The following NALF1 variants were observed in gnomAD, a reference collection of about 807,000 sequenced individuals.
The protein encoded by NALF1 is NALCN channel auxiliary factor 1, also known as family with sequence similarity 155 member A.
In NALF1, 3 loss-of-function variants were observed where a neutral mutation model predicts 48.4. The ratio of observed to expected loss-of-function variants is 0.06; its 90% CI spans 0.03 to 0.16. NALF1 has a LOEUF of 0.16. NALF1 is among the 10% of genes least tolerant of loss of function. The probability of loss-of-function intolerance (pLI) is 1.00; values close to 1 mark genes in which losing one functional copy is unlikely to be tolerated. For missense variants in NALF1, 526 were observed against 571.5 expected, an observed-to-expected ratio of 0.92 and a Z score of 0.81; for synonymous variants, 262 against 245.7, an observed-to-expected ratio of 1.07 and a Z score of -0.62.
chr13:107,586,279 C>T (rs1236115732), intron 1 of NALF1, among the ~76,000 whole-genome samples: 2 of 152,038 alleles, frequency 1.3e-5, no homozygotes, highest in Non-Finnish European at 2.9e-5. Flanking sequence ...TACCATCTTA[C>T]CAACTTCACA....
chr13:107,224,302 G>T (rs1266164923), intron 1 of NALF1, among the ~76,000 whole-genome samples: 1 of 151,572 alleles, frequency 6.6e-6, no homozygotes, highest in Non-Finnish European at 1.5e-5. Flanking sequence ...TGCAAAACAT[G>T]TAATAAAATC....
At chr13:107,680,182 C>T (rs1427781895) in intron 1 of NALF1, among the ~76,000 whole-genome samples, 2 of 152,102 alleles carry the variant, frequency 1.3e-5, no homozygotes, top group African/African-American at 2.4e-5. Context: ...TCAAGAGGAG[C>T]CAATGTTGCC....
At chr13:107,814,021 C>T (rs3858806) in intron 1 of NALF1, among the ~76,000 whole-genome samples, 30,610 of 151,794 alleles carry the variant, frequency 0.2, 3,402 homozygotes, top group Middle Eastern at 0.34. Context: ...AAGAAGGAAA[C>T]TAGAGGAGTA....
At chr13:107,375,923 T>TACACACACACACACACAC (rs373266204) in intron 1 of NALF1, among the ~76,000 whole-genome samples, 3 of 149,318 alleles carry the variant, frequency 2.0e-5, no homozygotes, top group Admixed American at 6.7e-5. Context: ...CAACCTGCTA[T>TACACACACACACACACAC]ACACACACAC....
intron 1 of NALF1, among the ~76,000 whole-genome samples, chr13:107,612,646 A>T (rs1047688538): frequency 6.6e-6 from 1 of 152,104 alleles, no homozygotes; most frequent in African/African-American, 2.4e-5. Flanking sequence ...GAGGTAGGAC[A>T]TTGCTCCTTC....
intron 2 of NALF1, among the ~76,000 whole-genome samples, chr13:107,181,945 T>C (rs962380087): frequency 1.3e-5 from 2 of 152,192 alleles, no homozygotes; most frequent in Admixed American, 6.5e-5. Context: ...CTATACATAC[T>C]AGCATGCTTG....
intron 1 of NALF1, among the ~76,000 whole-genome samples, chr13:107,782,047 T>A (rs971379730): frequency 2.0e-5 from 3 of 152,050 alleles, no homozygotes; most frequent in Non-Finnish European, 2.9e-5. Flanking sequence ...CTCCCTCCTC[T>A]CCCTCTCCCC....
At chr13:107,829,889 A>G (rs546247519) in intron 1 of NALF1, among the ~76,000 whole-genome samples, 36 of 152,338 alleles carry the variant, frequency 2.4e-4, no homozygotes, top group African/African-American at 7.9e-4. Context: ...CCAAAGATGT[A>G]TAACACTTCC....
intron 1 of NALF1, among the ~76,000 whole-genome samples, chr13:107,301,110 T>C (rs902471382): frequency 5.3e-5 from 8 of 152,200 alleles, no homozygotes; most frequent in African/African-American, 1.9e-4. Context: ...ATGTTTTTCA[T>C]TTTTTGTACA....
intron 1 of NALF1, among the ~76,000 whole-genome samples, chr13:107,463,002 C>A (rs921979786): frequency 6.6e-6 from 1 of 152,104 alleles, no homozygotes; most frequent in Admixed American, 6.5e-5. Flanking sequence ...CCCGGACACA[C>A]ATGGATGTGC....
chr13:107,339,317 T>C (rs1203058947), intron 1 of NALF1, among the ~76,000 whole-genome samples: 1 of 152,120 alleles, frequency 6.6e-6, no homozygotes, highest in Non-Finnish European at 1.5e-5. Flanking sequence ...CCCTAGGTAC[T>C]GAGGCAGAAA....
chr13:107,641,693 G>A (rs1228557647), intron 1 of NALF1, among the ~76,000 whole-genome samples: 3 of 152,004 alleles, frequency 2.0e-5, no homozygotes, highest in Admixed American at 1.3e-4. Flanking sequence ...TTGAATAGTC[G>A]GAGTCTCTAA....
At chr13:107,649,193 T>C (rs150742983) in intron 1 of NALF1, among the ~76,000 whole-genome samples, 2 of 152,338 alleles carry the variant, frequency 1.3e-5, no homozygotes, top group African/African-American at 4.8e-5. Context: ...CCACCAGTTA[T>C]ACTATTAACT....
chr13:107,587,962 C>T (rs1878504681), intron 1 of NALF1, among the ~76,000 whole-genome samples: 1 of 152,060 alleles, frequency 6.6e-6, no homozygotes, highest in African/African-American at 2.4e-5. Flanking sequence ...CAAATGTGTG[C>T]ATGGAAGAAT....
intron 1 of NALF1, among the ~76,000 whole-genome samples, chr13:107,683,121 G>A (rs1052872274): frequency 1.4e-4 from 22 of 152,156 alleles, no homozygotes; most frequent in South Asian, 4.1e-4. Context: ...AAATTAGCCA[G>A]GTGTGGTAGA....
At chr13:107,467,975 G>A (rs1443336435) in intron 1 of NALF1, among the ~76,000 whole-genome samples, 1 of 151,504 alleles carries the variant, frequency 6.6e-6, no homozygotes, top group Non-Finnish European at 1.5e-5. Flanking sequence ...GTGAACCCGG[G>A]AGGCGGAGCT....
intron 1 of NALF1, among the ~76,000 whole-genome samples, chr13:107,754,396 C>CA (rs1877032983): frequency 7.6e-6 from 1 of 130,800 alleles, no homozygotes; most frequent in African/African-American, 2.8e-5. Context: ...CACACACACA[C>CA]ACCATATATG....
At chr13:107,256,475 A>C (rs1380039958) in intron 1 of NALF1, among the ~76,000 whole-genome samples, 2 of 152,240 alleles carry the variant, frequency 1.3e-5, no homozygotes, top group Non-Finnish European at 2.9e-5. Context: ...CATTAAATTA[A>C]AAAGTGCTTC....
intron 1 of NALF1, among the ~76,000 whole-genome samples, chr13:107,714,171 A>G (rs1875681167): frequency 6.6e-6 from 1 of 152,234 alleles, no homozygotes; most frequent in South Asian, 2.1e-4. Context: ...TTGTGATGAC[A>G]TATGTTGATA....
Sources: gnomAD v4.1 joint callset for allele counts (sites outside exome capture counted in the v4.1 genomes callset) on GRCh38, gnomAD v4.1.1 for gene constraint, MANE v1.5 for transcripts, NCBI Gene and HGNC (gene_info 2026-07-23, HGNC 2026-07-21) for gene names.